The following CMKLR1 variants were observed in gnomAD, a reference collection of about 807,000 sequenced individuals.
CMKLR1 encodes the protein chemerin chemokine-like receptor 1, also known as chemerin-like receptor 1.
In CMKLR1, 6 loss-of-function variants were observed where a neutral mutation model predicts 8.2. That is an observed-to-expected ratio of 0.73 (90% CI 0.40 to 1.44). The LOEUF (loss-of-function observed/expected upper bound fraction) is 1.44. Among genes scored for constraint, CMKLR1 ranks in the 40% most tolerant of loss-of-function variants. The pLI is 0.02. For synonymous variants in CMKLR1, 178 were observed against 181.2 expected, an observed-to-expected ratio of 0.98 and a Z score of 0.14; for missense variants, 429 against 478.0, an observed-to-expected ratio of 0.90 and a Z score of 0.96.
intron 2 of CMKLR1, among the ~76,000 whole-genome samples, chr12:108,317,105 A>G (rs931657921): frequency 2.6e-5 from 4 of 152,256 alleles, no homozygotes; most frequent in African/African-American, 9.6e-5. Flanking sequence ...ACCCAGCCTC[A>G]ATGTCATTGG....
chr12:108,317,064 A>G (rs1566025964), intron 2 of CMKLR1, among the ~76,000 whole-genome samples: 1 of 152,200 alleles, frequency 6.6e-6, no homozygotes, highest in East Asian at 1.9e-4. Context: ...CAGCCTTCCA[A>G]AGGGCTGGGA....
In CMKLR1 at chr12:108,313,267, T is replaced by C. The variant is rs558731327; in HGVS notation, c.-74+16728A>G. ...TTGCTGGAAAAATTGCCCCCCACCC[T>C]ACCCCACCCCACCTTCCATGGAAAA... On this transcript the variant is annotated intron_variant, in intron 2 of 3. Transcript: ENST00000550402. Among the ~76,000 whole-genome samples the C allele has an allele frequency of 5.2e-3, 683 of 132,348 alleles. 5 individuals carry two copies. The highest frequency in any genetic ancestry group is 0.018 in the African/African-American group (647 of 35,312). 86.8% of individuals were successfully genotyped at this position (132,348 alleles called of 152,430 possible).
At chr12:108,294,104 A>G (rs961298868) in intron 2 of CMKLR1, among the ~76,000 whole-genome samples, 3 of 152,248 alleles carry the variant, frequency 2.0e-5, no homozygotes, top group African/African-American at 4.8e-5. Context: ...AGTACCTGCT[A>G]TGTGCCAAGA....
chr12:108,336,976 A>T (rs1892241502), intron 1 of CMKLR1, among the ~76,000 whole-genome samples: 1 of 152,272 alleles, frequency 6.6e-6, no homozygotes, highest in Non-Finnish European at 1.5e-5. Context: ...AAACTCAGGC[A>T]CAAAGATGAG....
At chr12:108,320,007 T>A (rs1036752201) in intron 2 of CMKLR1, among the ~76,000 whole-genome samples, 1 of 151,590 alleles carries the variant, frequency 6.6e-6, no homozygotes, top group Non-Finnish European at 1.5e-5. Flanking sequence ...GATGAGTAAA[T>A]CATGACAGAG....
chr12:108,305,489 G>A (rs182840562), intron 2 of CMKLR1, among the ~76,000 whole-genome samples: 1 of 152,260 alleles, frequency 6.6e-6, no homozygotes, highest in East Asian at 1.9e-4. Context: ...ACGACTGTAG[G>A]TGCTGATGTC....
intron 2 of CMKLR1, among the ~76,000 whole-genome samples, chr12:108,298,708 C>T (rs1053598071): frequency 1.3e-5 from 2 of 152,224 alleles, no homozygotes; most frequent in Non-Finnish European, 2.9e-5. Context: ...CGGCCTGACA[C>T]CTGTCTGCCT....
chr12:108,291,774 C>A lies in CMKLR1; in HGVS notation c.*67G>T. The A allele has an allele frequency of 2.0e-6, 3 of 1,493,254 alleles. No homozygotes were observed. The highest frequency in any genetic ancestry group is 2.7e-6 in the Non-Finnish European group (3 of 1,104,988). 92.5% of individuals were successfully genotyped at this position (1,493,254 alleles called of 1,614,324 possible). A position where few individuals can be genotyped will look rare whatever the true frequency, so the allele number is the denominator to read the frequency against. ...ATGCTAAAGAGGTTCTTGCCTTGAT[C>A]TTCAGAAGACATATCCTTGGGTGTC... On this transcript the variant is annotated 3_prime_UTR_variant, in exon 4 of 4. Transcript: ENST00000550402.
rs59464047 is a variant in CMKLR1 at position 108,327,923 on chromosome 12, G to C, written c.-74+2072C>G. 4.6e-5 allele frequency among the ~76,000 whole-genome samples: 7 copies of C among 152,290 alleles called. No individual in the cohort carries two copies. The East Asian group carries it at 1.3e-3, about 29-fold the overall frequency. The stretch of plus-strand genomic sequence containing the variant: ...GCCTTCCAGGACATGGAGGATGTCC[G>C]GGGTCCCAGCCTGACAATCTCCTCC... On this transcript the variant is annotated intron_variant, in intron 2 of 3. Transcript: ENST00000550402.
intron 2 of CMKLR1, among the ~76,000 whole-genome samples, chr12:108,321,841 GT>G (rs1891870175): frequency 6.6e-6 from 1 of 152,172 alleles, no homozygotes; most frequent in African/African-American, 2.4e-5. Context: ...TGGTGATACA[GT>G]TTGAATATCT....
intron 1 of CMKLR1, among the ~76,000 whole-genome samples, chr12:108,335,913 T>G (rs140344527): frequency 6.3e-4 from 96 of 152,376 alleles, no homozygotes; most frequent in African/African-American, 2.1e-3. Context: ...GCCTCCATGC[T>G]GGGGGATTGC....
rs1221082766 is a variant in CMKLR1, at chr12:108,291,427, T to A, written c.*414A>T. On this transcript the variant is annotated 3_prime_UTR_variant, in exon 4 of 4. Transcript: ENST00000550402. ...ATATATATACAAGGGCCAAGTGTGATCTGCATCACACTGGGTTTGCTCTGA... is the reference window on the plus strand; with the variant it reads ...ATATATATACAAGGGCCAAGTGTGAACTGCATCACACTGGGTTTGCTCTGA... 5.5e-6 allele frequency: 1 copy of A among 181,264 alleles called. No individual in the cohort carries two copies. Among genetic ancestry groups the A allele is most frequent in the African/African-American group, 2.4e-5 (1 of 42,040 alleles). 11.2% of individuals were successfully genotyped at this position (181,264 alleles called of 1,614,324 possible).
rs73409566 is a variant in CMKLR1, at chr12:108,310,381, C to A, written c.-73-16717G>T. Among the ~76,000 whole-genome samples the A allele has an allele frequency of 8.3e-3, 1,269 of 152,056 alleles. 12 individuals carry two copies. Among genetic ancestry groups the A allele is most frequent in the African/African-American group, 0.03 (1,228 of 41,456 alleles). On this transcript the variant is annotated intron_variant, in intron 2 of 3. Coordinates refer to ENST00000550402, the MANE Select transcript of CMKLR1 (RefSeq NM_001142343.2). Reference sequence around the variant, plus strand: ...ACCTGGGTGGCTGATGTGGGCACTGCGTTGGAAGAGGAAAGGCTGGAGGCA... The same window carrying A: ...ACCTGGGTGGCTGATGTGGGCACTGAGTTGGAAGAGGAAAGGCTGGAGGCA...
chr12:108,329,127 T>C (rs561282927), intron 2 of CMKLR1, among the ~76,000 whole-genome samples: 1 of 152,328 alleles, frequency 6.6e-6, no homozygotes, highest in South Asian at 2.1e-4. Context: ...TCTGGAATCT[T>C]CCATTGTCCA....
rs1032314506 is a variant in CMKLR1 at position 108,290,639 on chromosome 12, G to A, written c.*1202C>T. On this transcript the variant is annotated 3_prime_UTR_variant, in exon 4 of 4. Transcript: ENST00000550402. ...CCTCAGCTATGTCATTTGTAAATGG[G>A]GCTATGACACTCTGTGGCCACAGGG... 3 of 152,156 alleles carry A rather than the reference G, an allele frequency of 2.0e-5. No homozygotes were observed. Among genetic ancestry groups the A allele is most frequent in the African/African-American group, 7.2e-5 (3 of 41,428 alleles). 9.4% of individuals were successfully genotyped at this position (152,156 alleles called of 1,614,324 possible).
chr12:108,327,524 G>A (rs1460636403), intron 2 of CMKLR1, among the ~76,000 whole-genome samples: 1 of 152,216 alleles, frequency 6.6e-6, no homozygotes, highest in Non-Finnish European at 1.5e-5. Flanking sequence ...ATGAAGGAGT[G>A]AGTGAACACA....
intron 2 of CMKLR1, among the ~76,000 whole-genome samples, chr12:108,301,266 G>A (rs1344635059): frequency 6.6e-6 from 1 of 151,770 alleles, no homozygotes; most frequent in African/African-American, 2.4e-5. Context: ...TAGTAGAGAT[G>A]GAGTTTCACC....
Position 108,330,145 on chromosome 12 carries a change from C to A in CMKLR1, c.-224G>T, listed in dbSNP as rs1714082848. 6.6e-6 allele frequency: 1 copy of A among 152,182 alleles called. No individual in the cohort carries two copies. Among genetic ancestry groups the A allele is most frequent in the African/African-American group, 2.4e-5 (1 of 41,430 alleles). 9.4% of individuals were successfully genotyped at this position (152,182 alleles called of 1,614,324 possible). ...TCTAGATGCCATCAGCTTCTGCTAT[C>A]ATTGTTGCAGAGCCCTGAGCCTCCT... On this transcript the variant is annotated 5_prime_UTR_variant, in exon 2 of 4. The change abolishes an upstream ATG in the 5' untranslated region. Coordinates refer to ENST00000550402, the MANE Select transcript of CMKLR1 (RefSeq NM_001142343.2).
At position 108,292,065 on chromosome 12, in the gene CMKLR1, G is replaced by C. The variant is rs767325154; in HGVS notation, c.898C>G (p.Leu300Val). The C allele has an allele frequency of 5.6e-6, 9 of 1,614,246 alleles. No individual in the cohort carries two copies. Among genetic ancestry groups the C allele is most frequent in the African/African-American group, 1.3e-5 (1 of 75,058 alleles). Residue 300 changes from leucine to valine, a missense_variant, in exon 4 of 4, where the codon CTG becomes GTG. Transcript: ENST00000550402. ...PGSVFSLGLPLATALAIANSC... is the reference protein window; with the variant it reads ...PGSVFSLGLPVATALAIANSC... ...TTGGCAATGGCAAGGGCAGTGGCCA[G>C]GGGCAAACCCAGGCTGAAGACAGAG...
Sources: gnomAD v4.1 joint callset for allele counts (sites outside exome capture counted in the v4.1 genomes callset) on GRCh38, gnomAD v4.1.1 for gene constraint, MANE v1.5 for transcripts, NCBI Gene and HGNC (gene_info 2026-07-23, HGNC 2026-07-21) for gene names.